The following EBF2 variants were observed in gnomAD, a reference collection of about 807,000 sequenced individuals.
EBF2 encodes EBF transcription factor 2.
In EBF2, 21 loss-of-function variants were observed where a neutral mutation model predicts 72.8. The observed-to-expected ratio is 0.29, with a 90% CI of 0.20 to 0.42. The LOEUF is 0.42. Among genes scored for constraint, EBF2 ranks in the 10% least tolerant of loss-of-function variants. The pLI, the probability that EBF2 is intolerant of heterozygous loss-of-function variation, is 1.00. For synonymous variants in EBF2, 299 were observed against 274.2 expected (o/e 1.09, Z -0.89); for missense variants, 637 against 731.2 (o/e 0.87, Z 1.49).
chr8:25,881,221 C>A (rs1360794149), intron 10 of EBF2, among the ~76,000 whole-genome samples: 3 of 152,166 alleles, frequency 2.0e-5, no homozygotes, highest in African/African-American at 7.2e-5. Flanking sequence ...CTTCCCATGG[C>A]GCTTGAGGAA....
intron 6 of EBF2, among the ~76,000 whole-genome samples, chr8:25,968,648 A>AC (rs1309335795): frequency 6.6e-6 from 1 of 151,944 alleles, no homozygotes; most frequent in Non-Finnish European, 1.5e-5. Flanking sequence ...TGCAACCTCC[A>AC]CCCCCCTGGG....
In EBF2 at chr8:25,850,732, A is replaced by T; in HGVS notation, c.1558T>A (p.Ser520Thr). Residue 520 changes from serine (S) to threonine (T), a missense_variant, in exon 15 of 16, where the codon TCC becomes ACC. Ser to Thr is a moderately conservative substitution (Grantham distance 58, BLOSUM62 1). Transcript: ENST00000520164. ...AATGGGAGGATGGAGGATGTGCTGG[A>T]AGACCCAACGGTGGGACTTGATGAC... The part of the protein sequence containing the change: ...IMSSSPTVGS[S>T]STSSILPFSS... 1 of 1,563,570 alleles carries T rather than the reference A, an allele frequency of 6.4e-7. No individual in the cohort carries two copies. The highest frequency in any genetic ancestry group is 1.4e-5 in the African/African-American group (1 of 70,834).
rs1370680052 is a variant in EBF2 at position 25,951,393 on chromosome 8, T to G, written c.552-42838A>C. Among the ~76,000 whole-genome samples the G allele has an allele frequency of 3.3e-5, 5 of 152,116 alleles. No homozygotes were observed. In the East Asian group the frequency reaches 9.6e-4, roughly 29 times the overall value. On this transcript the variant is annotated intron_variant, in intron 6 of 15. Coordinates refer to ENST00000520164, the MANE Select transcript of EBF2 (RefSeq NM_022659.4). ...CCAAGTCCCACAACGTACAGTCCTT[T>G]TTTCTCTGCTCCAGAATGCTAGTTG...
rs190947729 is a variant in EBF2 at position 25,850,598 on chromosome 8, G to A, written c.1692C>T (p.Phe564=). ...CAAAATAGAACCCTTGCTTACCTCT[G>A]AATCCATTTCCATTGCCGCTGGAGC... is the stretch of plus-strand genomic sequence containing the variant. ...PACSSGNGNG[F]RAMTGLVVPP... is the part of the protein sequence containing the mutation. Residue 564 remains phenylalanine (F), a synonymous_variant, in exon 15 of 16, where the codon TTC becomes TTT. Transcript: ENST00000520164. The A allele has an allele frequency of 3.5e-4, 541 of 1,557,734 alleles. No homozygotes were observed. The African/African-American group carries it at 7.0e-3, about 20-fold the overall frequency.
intron 6 of EBF2, among the ~76,000 whole-genome samples, chr8:25,968,963 G>A (rs529177999): frequency 1.3e-5 from 2 of 151,982 alleles, no homozygotes; most frequent in Admixed American, 1.3e-4. Flanking sequence ...TGGTTAAGGT[G>A]GTAAGTGTAT....
Position 26,042,204 on chromosome 8 carries a change from T to G in EBF2, c.179A>C (p.Asn60Thr). Residue 60 changes from asparagine (N) to threonine (T), a missense_variant, in exon 2 of 16, where the codon AAC (asparagine) becomes ACC (threonine). Around this residue, in one of 3 missense-constraint regions of EBF2, gnomAD observed 174 missense variants for 161.9 expected, o/e 1.07. Coordinates refer to ENST00000520164, the MANE Select transcript of EBF2 (RefSeq NM_022659.4). Reference sequence around the variant, plus strand: ...GTGAAAGAAGTTGGATTTCCTCAAGTTGGAAGGAGGCTGTTTCTCAAAGTG... The same window carrying G: ...GTGAAAGAAGTTGGATTTCCTCAAGGTGGAAGGAGGCTGTTTCTCAAAGTG... ...RAHFEKQPPS[N>T]LRKSNFFHFV... is the part of the protein sequence containing the mutation. The G allele has an allele frequency of 6.2e-7, 1 of 1,614,058 alleles. No individual in the cohort carries two copies.
At chr8:25,959,611 T>C (rs1804004819) in intron 6 of EBF2, among the ~76,000 whole-genome samples, 1 of 152,204 alleles carries the variant, frequency 6.6e-6, no homozygotes, top group African/African-American at 2.4e-5. Flanking sequence ...GAGGTTTTGA[T>C]TTGGGTTTTC....
chr8:26,030,155 A>C (rs1805374637), intron 6 of EBF2, among the ~76,000 whole-genome samples: 1 of 152,176 alleles, frequency 6.6e-6, no homozygotes, highest in African/African-American at 2.4e-5. Context: ...CTGAAAATGA[A>C]GGCAAGAAGG....
chr8:25,975,992 A>C (rs143059008), intron 6 of EBF2, among the ~76,000 whole-genome samples: 2,088 of 152,290 alleles, frequency 0.014, 26 homozygotes, highest in Non-Finnish European at 0.021. Flanking sequence ...AACTTCTTCG[A>C]TAGGATTCAA....
chr8:25,958,992 G>A (rs184292721), intron 6 of EBF2, among the ~76,000 whole-genome samples: 143 of 152,310 alleles, frequency 9.4e-4, no homozygotes, highest in Non-Finnish European at 1.6e-3. Context: ...CTGTCAGGAC[G>A]AGGGCTTTGG....
At chr8:25,925,300 G>A (rs979209304) in intron 6 of EBF2, among the ~76,000 whole-genome samples, 5 of 151,884 alleles carry the variant, frequency 3.3e-5, no homozygotes, top group Non-Finnish European at 5.9e-5. Flanking sequence ...CAGAAAACCC[G>A]GGGTGCACAG....
intron 15 of EBF2, among the ~76,000 whole-genome samples, chr8:25,848,688 C>T (rs1563372665): frequency 6.6e-6 from 1 of 152,070 alleles, no homozygotes. Flanking sequence ...GTCAAGTATC[C>T]TTTTTTCCTT....
intron 6 of EBF2, among the ~76,000 whole-genome samples, chr8:25,960,114 A>G (rs1260725411): frequency 1.3e-5 from 2 of 152,200 alleles, no homozygotes; most frequent in Non-Finnish European, 2.9e-5. Context: ...GGCCACCCAG[A>G]GAAAATGAAC....
At position 25,842,127 on chromosome 8, in the gene EBF2, G is replaced by T. The variant is rs988149665; in HGVS notation, c.*2482C>A. The T allele has an allele frequency of 3.3e-5, 5 of 152,212 alleles. No homozygotes were observed. The highest frequency in any genetic ancestry group is 1.2e-4 in the African/African-American group (5 of 41,476). 9.4% of individuals were successfully genotyped at this position (152,212 alleles called of 1,614,324 possible). On this transcript the variant is annotated 3_prime_UTR_variant, in exon 16 of 16. Coordinates refer to ENST00000520164, the MANE Select transcript of EBF2 (RefSeq NM_022659.4). Reference sequence around the variant, plus strand: ...CTCTTACAAACACAGGATAGAGTTTGTAGTTACCAATAGAAATACTCATAT... The same window carrying T: ...CTCTTACAAACACAGGATAGAGTTTTTAGTTACCAATAGAAATACTCATAT...
At chr8:25,933,247 A>G (rs1803513877) in intron 6 of EBF2, among the ~76,000 whole-genome samples, 2 of 152,254 alleles carry the variant, frequency 1.3e-5, no homozygotes. Context: ...AAAGTAGGAC[A>G]TTGCTGGACT....
intron 5 of EBF2, among the ~76,000 whole-genome samples, chr8:26,037,139 G>A (rs899448707): frequency 3.3e-5 from 5 of 152,138 alleles, no homozygotes; most frequent in African/African-American, 1.2e-4. Context: ...TCTCCACCCG[G>A]AGTCTTTGAA....
intron 6 of EBF2, among the ~76,000 whole-genome samples, chr8:26,021,041 A>G (rs1805196490): frequency 6.6e-6 from 1 of 152,196 alleles, no homozygotes; most frequent in Non-Finnish European, 1.5e-5. Context: ...CTGGAGAAGG[A>G]GACTTGGAGA....
intron 6 of EBF2, among the ~76,000 whole-genome samples, chr8:25,926,817 C>A (rs763009139): frequency 1.3e-5 from 2 of 152,162 alleles, no homozygotes; most frequent in Admixed American, 6.5e-5. Flanking sequence ...TTTGAGGCAA[C>A]GTAAATTCAC....
chr8:25,959,135 A>G (rs1372976226), intron 6 of EBF2, among the ~76,000 whole-genome samples: 1 of 152,168 alleles, frequency 6.6e-6, no homozygotes, highest in Non-Finnish European at 1.5e-5. Flanking sequence ...TTTCTTCAAT[A>G]TGTTGGGTTG....
Sources: allele counts gnomAD v4.1 joint callset (sites outside exome capture counted in the v4.1 genomes callset), GRCh38; gene constraint gnomAD v4.1.1; regional missense constraint gnomAD v4.1.1; transcripts MANE v1.5; gene names NCBI Gene and HGNC (gene_info 2026-07-23, HGNC 2026-07-21).